PARPBP: variants seen among roughly 807,000 people sequenced by gnomAD.
PARPBP encodes PCNA-interacting partner.
PARPBP carries 52 observed loss-of-function variants against 50.0 expected under a neutral mutation model. The observed-to-expected ratio is 1.04, with a 90% CI of 0.83 to 1.31. The LOEUF (loss-of-function observed/expected upper bound fraction) is 1.31. Among genes scored for constraint, PARPBP ranks in the 50% most tolerant of loss-of-function variants. PARPBP has a pLI of 0.00. For synonymous variants in PARPBP, 244 were observed against 232.1 expected, an observed-to-expected ratio of 1.05 and a Z score of -0.47; for missense variants, 697 against 672.0, an observed-to-expected ratio of 1.04 and a Z score of -0.41.
intron 9 of PARPBP, among the ~76,000 whole-genome samples, chr12:102,186,511 G>A (rs944586157): frequency 1.3e-5 from 2 of 151,830 alleles, no homozygotes; most frequent in Non-Finnish European, 2.9e-5. Context: ...GTTTTGGTAT[G>A]TTGTGTTTCG....
intron 7 of PARPBP, among the ~76,000 whole-genome samples, chr12:102,177,118 A>G (rs898301484): frequency 3.9e-5 from 6 of 152,246 alleles, no homozygotes; most frequent in Admixed American, 2.6e-4. Flanking sequence ...CTGTGGTACT[A>G]ATGAAAAATA....
intron 9 of PARPBP, among the ~76,000 whole-genome samples, chr12:102,191,981 A>G (rs532019609): frequency 1.4e-4 from 21 of 152,272 alleles, no homozygotes; most frequent in African/African-American, 4.1e-4. Flanking sequence ...ACAGGAAGTA[A>G]TCTCAGTTCT....
intron 2 of PARPBP, among the ~76,000 whole-genome samples, chr12:102,145,894 C>G (rs1009611950): frequency 2.0e-5 from 3 of 152,024 alleles, no homozygotes; most frequent in Non-Finnish European, 4.4e-5. Context: ...GCCAAAAGGC[C>G]GAGAAGCAAT....
intron 6 of PARPBP, among the ~76,000 whole-genome samples, chr12:102,168,582 C>T (rs1160809131): frequency 6.6e-6 from 1 of 151,538 alleles, no homozygotes; most frequent in Non-Finnish European, 1.5e-5. Context: ...AAACATATAC[C>T]CTATGCATAT....
At position 102,175,551 on chromosome 12, in the gene PARPBP, CT is replaced by C. The variant is rs977035528; in HGVS notation, c.895del (p.Cys299AlafsTer4). Reference sequence around the variant, plus strand: ...ATTAAAGGCCAAAACAGCAGGGATCCTTTTTGCAAAGCAATAGAGGAAGTTG... The same window carrying C: ...ATTAAAGGCCAAAACAGCAGGGATCCTTTTGCAAAGCAATAGAGGAAGTTG... ...QLIKGQNSRD[P>X]FCKAIEEVAQ... On this transcript the variant is annotated frameshift_variant, in exon 7 of 11. Coordinates refer to ENST00000327680, the MANE Select transcript of PARPBP (RefSeq NM_017915.5). LOFTEE classifies it high-confidence loss of function. 9.3e-6 allele frequency: 15 copies of C among 1,613,080 alleles called. No individual in the cohort carries two copies. Among genetic ancestry groups the C allele is most frequent in the Non-Finnish European group, 1.3e-5 (15 of 1,179,338 alleles).
chr12:102,171,053 G>T (rs1328782342), intron 6 of PARPBP, among the ~76,000 whole-genome samples: 1 of 151,378 alleles, frequency 6.6e-6, no homozygotes, highest in East Asian at 1.9e-4. Flanking sequence ...ATCTTCAGGA[G>T]CAGTAATACC....
At chr12:102,184,046 G>GAAAAAAAAAAAAAAAAAAAAAA (rs71438459) in intron 9 of PARPBP, among the ~76,000 whole-genome samples, 1 of 59,976 alleles carries the variant, frequency 1.7e-5, no homozygotes. Context: ...GACTCTATCT[G>GAAAAAAAAAAAAAAAAAAAAAA]AAAAAAAAAA....
Position 102,165,778 on chromosome 12 carries a change from C to T in PARPBP, c.716C>T (p.Ala239Val). 6.2e-7 allele frequency: 1 copy of T among 1,603,846 alleles called. No individual in the cohort carries two copies. Among genetic ancestry groups the T allele is most frequent in the Admixed American group, 1.7e-5 (1 of 59,804 alleles). Residue 239 changes from alanine to valine, a missense_variant, in exon 6 of 11, where the codon GCA (alanine) becomes GTA (valine). By Grantham distance (64) the Ala-to-Val change is moderately conservative (BLOSUM62 0). Transcript: ENST00000327680. ...ATAGAGCTTGGAGGGAAAGGATATG[C>T]ACCACCACCATCAGATCCTTTAAGG... The part of the protein sequence containing the change: ...RTIELGGKGY[A>V]PPPSDPLRTH...
intron 2 of PARPBP, among the ~76,000 whole-genome samples, chr12:102,140,615 G>T (rs1884426579): frequency 6.6e-6 from 1 of 152,128 alleles, no homozygotes; most frequent in African/African-American, 2.4e-5. Flanking sequence ...TCTCTTGTGG[G>T]CAATTAGTGC....
rs1313133906 is a variant in PARPBP, at chr12:102,149,827, A to G, written c.387+1364A>G. 3.3e-5 allele frequency among the ~76,000 whole-genome samples: 5 copies of G among 152,334 alleles called. No homozygotes were observed. The East Asian group carries it at 9.6e-4, about 29-fold the overall frequency. On this transcript the variant is annotated intron_variant, in intron 3 of 10. Coordinates refer to ENST00000327680, the MANE Select transcript of PARPBP (RefSeq NM_017915.5). ...ACTACACTATGGTAAGGATACTTGT[A>G]AAGATAGCTTTTTAAATTCTTCCTT...
At chr12:102,178,804 G>A in intron 8 of PARPBP, 34 bp downstream of exon 8, 1 of 1,345,828 alleles carries the variant, frequency 7.4e-7, no homozygotes, top group Non-Finnish European at 1.0e-6. Context: ...TGTTATAAAT[G>A]TTAACTCTAG....
intron 2 of PARPBP, among the ~76,000 whole-genome samples, chr12:102,133,440 T>G (rs1883162621): frequency 3.9e-5 from 6 of 152,182 alleles, no homozygotes; most frequent in Admixed American, 3.9e-4. Context: ...TGTGCCATGT[T>G]TTGTTTATAG....
At chr12:102,179,160 A>G (rs1889583466) in intron 8 of PARPBP, among the ~76,000 whole-genome samples, 1 of 152,162 alleles carries the variant, frequency 6.6e-6, no homozygotes, top group African/African-American at 2.4e-5. Flanking sequence ...GACTTGAGAG[A>G]TATTAAGTAA....
At chr12:102,171,169 TAGA>T (rs1342284527) in intron 6 of PARPBP, among the ~76,000 whole-genome samples, 1 of 151,148 alleles carries the variant, frequency 6.6e-6, no homozygotes, top group Admixed American at 6.6e-5. Context: ...TTTAAATAAG[TAGA>T]AGGAGTACAC....
At chr12:102,185,797 GCACCC>G (rs1246288829) in intron 9 of PARPBP, among the ~76,000 whole-genome samples, 2 of 152,048 alleles carry the variant, frequency 1.3e-5, no homozygotes, top group Non-Finnish European at 2.9e-5. Flanking sequence ...GGGATTACAG[GCACCC>G]ACCACCATGC....
intron 2 of PARPBP, among the ~76,000 whole-genome samples, chr12:102,125,739 T>C (rs1286813799): frequency 3.3e-5 from 5 of 152,206 alleles, no homozygotes; most frequent in Non-Finnish European, 5.9e-5. Flanking sequence ...TCATGAAACA[T>C]ATTACCTAGT....
At chr12:102,147,013 A>G (rs1885455462) in intron 2 of PARPBP, among the ~76,000 whole-genome samples, 2 of 152,086 alleles carry the variant, frequency 1.3e-5, no homozygotes, top group Admixed American at 6.6e-5. Context: ...CAAAACCACA[A>G]TGAGATACCA....
chr12:102,175,898 G>A lies in PARPBP; in HGVS notation c.1005+232G>A, dbSNP rs1403316631. ...CTGAATTTGTTAAAGTAAGGCATAG[G>A]GTAATCTCTGGTATCCCTTTTAGTA... On this transcript the variant is annotated intron_variant, in intron 7 of 10. Coordinates refer to ENST00000327680, the MANE Select transcript of PARPBP (RefSeq NM_017915.5). Among the ~76,000 whole-genome samples the A allele has an allele frequency of 2.0e-5, 3 of 151,892 alleles. No homozygotes were observed. The East Asian group carries it at 5.8e-4, about 29-fold the overall frequency.
chr12:102,120,505 G>A (rs1009179190), intron 1 of PARPBP: 3 of 456,404 alleles, frequency 6.6e-6, no homozygotes, highest in African/African-American at 4.0e-5. Context: ...GGTCCTGAGG[G>A]TTCGTCTGCA....
Sources: allele counts gnomAD v4.1 joint callset (sites outside exome capture counted in the v4.1 genomes callset), GRCh38; gene constraint gnomAD v4.1.1; transcripts MANE v1.5; gene names NCBI Gene and HGNC (gene_info 2026-07-23, HGNC 2026-07-21).